Variants in PLCZ1 observed in about 807,000 individuals in gnomAD.
The protein encoded by PLCZ1 is phospholipase C zeta 1.
Under a neutral mutation model 76.8 loss-of-function variants are expected in PLCZ1, and 64 were observed. The observed-to-expected ratio is 0.83, with a 90% CI of 0.68 to 1.03. PLCZ1 has a LOEUF of 1.03. Among genes scored for constraint, PLCZ1 ranks in the 50% least tolerant of loss-of-function variants. PLCZ1 has a pLI of 0.00. For missense variants in PLCZ1, 751 were observed against 713.7 expected (o/e 1.05, Z -0.60); for synonymous variants, 248 against 230.8 (o/e 1.07, Z -0.68).
chr12:18,723,908 T>C (rs1256471237), intron 3 of PLCZ1, among the ~76,000 whole-genome samples: 1 of 152,084 alleles, frequency 6.6e-6, no homozygotes, highest in Non-Finnish European at 1.5e-5. Context: ...GGACCATATA[T>C]GTCAGAGTGA....
chr12:18,712,011 T>A (rs1464843166), intron 6 of PLCZ1, among the ~76,000 whole-genome samples: 1 of 152,168 alleles, frequency 6.6e-6, no homozygotes, highest in African/African-American at 2.4e-5. Context: ...GATTTTAAGT[T>A]TATGTTGACA....
intron 14 of PLCZ1, chr12:18,683,718 A>T: frequency 2.0e-6 from 2 of 975,792 alleles, no homozygotes; most frequent in Non-Finnish European, 2.9e-6. Flanking sequence ...ACATAAAGGT[A>T]GTCAGCCCTG....
At chr12:18,669,632 G>A in the PLCZ1 span, among the ~76,000 whole-genome samples, 1 of 151,510 alleles carries the variant, frequency 6.6e-6, no homozygotes, top group Non-Finnish European at 1.5e-5. Flanking sequence ...TCCTCACATG[G>A]CAGAGAGAGG....
intron 6 of PLCZ1, among the ~76,000 whole-genome samples, chr12:18,708,137 T>C (rs1956847138): frequency 6.6e-6 from 1 of 152,170 alleles, no homozygotes; most frequent in South Asian, 2.1e-4. Flanking sequence ...ATGTGCTACT[T>C]TGTAGCCTCT....
At chr12:18,663,213 TAC>T in the PLCZ1 span, among the ~76,000 whole-genome samples, 1 of 152,098 alleles carries the variant, frequency 6.6e-6, no homozygotes, top group Non-Finnish European at 1.5e-5. Context: ...TAGTACTGGA[TAC>T]TCTATCCAGA....
At chr12:18,656,280 A>G in the PLCZ1 span, among the ~76,000 whole-genome samples, 2 of 152,132 alleles carry the variant, frequency 1.3e-5, no homozygotes, top group Non-Finnish European at 2.9e-5. Context: ...AAAGCATTAA[A>G]AAATATTAGC....
intron 9 of PLCZ1, 117 bp from the exon 10 acceptor site, chr12:18,700,067 C>T: frequency 2.4e-6 from 2 of 843,500 alleles, no homozygotes; most frequent in Non-Finnish European, 3.8e-6. Flanking sequence ...ATAAGATTAT[C>T]TCCTCAAACA....
the PLCZ1 span, among the ~76,000 whole-genome samples, chr12:18,658,132 T>C: frequency 1.3e-5 from 2 of 152,126 alleles, no homozygotes; most frequent in African/African-American, 2.4e-5. Context: ...GTAAGTTCAT[T>C]GAGATTTCCT....
chr12:18,699,726 A>G, intron 10 of PLCZ1, 68 bp downstream of exon 10: 1 of 1,452,562 alleles, frequency 6.9e-7, no homozygotes, highest in South Asian at 1.1e-5. Context: ...TCATTGAGCA[A>G]TCTTAACACC....
chr12:18,656,457 T>C, the PLCZ1 span, among the ~76,000 whole-genome samples: 1 of 151,994 alleles, frequency 6.6e-6, no homozygotes, highest in African/African-American at 2.4e-5. Context: ...TCCCAGCTAC[T>C]TGGAAGGCTG....
chr12:18,720,352 T>C (rs1178314781), intron 4 of PLCZ1, among the ~76,000 whole-genome samples: 5 of 151,780 alleles, frequency 3.3e-5, no homozygotes, highest in African/African-American at 1.2e-4. Flanking sequence ...AGTGCAAATA[T>C]ATACACATTT....
intron 7 of PLCZ1, among the ~76,000 whole-genome samples, chr12:18,704,906 T>C (rs1365806745): frequency 1.3e-5 from 2 of 152,132 alleles, no homozygotes. Flanking sequence ...TACTAATTGC[T>C]TTGATATTGT....
intron 3 of PLCZ1, among the ~76,000 whole-genome samples, chr12:18,735,257 T>A (rs566532272): frequency 6.6e-6 from 1 of 152,232 alleles, no homozygotes; most frequent in Admixed American, 6.5e-5. Flanking sequence ...CCAGATGATG[T>A]TGACCTTATA....
the PLCZ1 span, among the ~76,000 whole-genome samples, chr12:18,653,499 G>A: frequency 6.6e-6 from 1 of 152,248 alleles, no homozygotes; most frequent in East Asian, 1.9e-4. Context: ...ACAAGCTCTA[G>A]TAAATTTGTA....
At chr12:18,668,005 A>C in the PLCZ1 span, among the ~76,000 whole-genome samples, 1 of 152,314 alleles carries the variant, frequency 6.6e-6, no homozygotes, top group African/African-American at 2.4e-5. Flanking sequence ...TTTTTACCTA[A>C]GGTCTACCTT....
chr12:18,719,751 A>C, intron 4 of PLCZ1, 119 bp from the exon 5 acceptor site: 1 of 632,002 alleles, frequency 1.6e-6, no homozygotes, highest in Non-Finnish European at 2.5e-6. Context: ...ATATTCCTTT[A>C]GAATTAATAT....
intron 3 of PLCZ1, among the ~76,000 whole-genome samples, chr12:18,735,555 T>A (rs1450879727): frequency 2.0e-5 from 3 of 152,182 alleles, no homozygotes; most frequent in Non-Finnish European, 4.4e-5. Context: ...GTCTCCTTTT[T>A]GTTATTGGTC....
At chr12:18,650,698 GTGTGTGTATATATCTATATA>G in the PLCZ1 span, among the ~76,000 whole-genome samples, 468 of 29,024 alleles carry the variant, frequency 0.016, 17 homozygotes, top group Middle Eastern at 0.053. Flanking sequence ...GTGTGTGTGT[GTGTGTGTATATATCTATATA>G]TATATATATA....
At chr12:18,736,760 T>G in intron 2 of PLCZ1, 1 of 1,053,210 alleles carries the variant, frequency 9.5e-7, no homozygotes, top group Non-Finnish European at 1.3e-6. Context: ...TTAAGGAAAG[T>G]GGAAGCATTA....
Sources: gnomAD v4.1 joint callset for allele counts (sites outside exome capture counted in the v4.1 genomes callset) on GRCh38, gnomAD v4.1.1 for gene constraint, MANE v1.5 for transcripts, NCBI Gene and HGNC (gene_info 2026-07-23, HGNC 2026-07-21) for gene names.